Variants in AATF observed in about 807,000 individuals in gnomAD.
AATF encodes the protein protein AATF.
AATF carries 48 observed loss-of-function variants against 63.7 expected under a neutral mutation model. That is an observed-to-expected ratio of 0.75 (90% CI 0.60 to 0.96). The LOEUF (loss-of-function observed/expected upper bound fraction) is 0.96, where lower values mean the gene tolerates loss of function less well. Among genes scored for constraint, AATF ranks in the 40% least tolerant of loss-of-function variants. AATF has a pLI of 0.00. For missense variants in AATF, 639 were observed against 685.7 expected, an observed-to-expected ratio of 0.93 and a Z score of 0.76; for synonymous variants, 258 against 247.7, an observed-to-expected ratio of 1.04 and a Z score of -0.39.
At chr17:36,981,611 T>TTTC (rs200880478) in intron 4 of AATF, among the ~76,000 whole-genome samples, 8 of 151,566 alleles carry the variant, frequency 5.3e-5, no homozygotes, top group South Asian at 2.1e-4. Flanking sequence ...GCCTGGCTGA[T>TTTC]TTCTTCTTCT....
At chr17:36,973,410 A>G (rs947225982) in intron 4 of AATF, among the ~76,000 whole-genome samples, 2 of 152,188 alleles carry the variant, frequency 1.3e-5, no homozygotes, top group East Asian at 1.9e-4. Context: ...CCCACTCACT[A>G]TGCATATGGT....
intron 8 of AATF, among the ~76,000 whole-genome samples, chr17:36,995,498 A>G (rs529159516): frequency 6.6e-6 from 1 of 152,324 alleles, no homozygotes; most frequent in South Asian, 2.1e-4. Flanking sequence ...AGGTGTCCCA[A>G]GCTACCCTTA....
intron 4 of AATF, among the ~76,000 whole-genome samples, chr17:36,976,349 T>C (rs1305880373): frequency 6.6e-6 from 1 of 152,182 alleles, no homozygotes. Context: ...AATGAATTAG[T>C]ACATATAAAG....
chr17:36,954,287 G>A (rs2070882193), intron 4 of AATF, among the ~76,000 whole-genome samples: 1 of 151,880 alleles, frequency 6.6e-6, no homozygotes, highest in African/African-American at 2.4e-5. Flanking sequence ...TCACTGTGTT[G>A]TCCAGGCTGG....
chr17:36,992,121 T>C (rs552149393), intron 8 of AATF, among the ~76,000 whole-genome samples: 1 of 152,336 alleles, frequency 6.6e-6, no homozygotes, highest in East Asian at 1.9e-4. Context: ...GAAGAAGAAC[T>C]TCTTAGGAAA....
At chr17:37,053,132 T>C (rs1235969048) in intron 11 of AATF, among the ~76,000 whole-genome samples, 1 of 152,150 alleles carries the variant, frequency 6.6e-6, no homozygotes, top group African/African-American at 2.4e-5. Flanking sequence ...GGAGTAGAAT[T>C]GATGCTGAAC....
At chr17:36,997,265 G>A (rs1051211183) in intron 8 of AATF, among the ~76,000 whole-genome samples, 3 of 152,158 alleles carry the variant, frequency 2.0e-5, no homozygotes, top group African/African-American at 7.2e-5. Flanking sequence ...ATTTAGCAAA[G>A]AAAGGGGAAG....
intron 11 of AATF, among the ~76,000 whole-genome samples, chr17:37,036,374 G>A (rs557362243): frequency 1.3e-5 from 2 of 152,154 alleles, no homozygotes; most frequent in South Asian, 4.1e-4. Flanking sequence ...GACTTAAATT[G>A]AAACTGGAAC....
chr17:36,952,764 A>C (rs1348081155), intron 2 of AATF, 122 bp from the exon 3 acceptor site: 1 of 1,457,850 alleles, frequency 6.9e-7, no homozygotes, highest in Non-Finnish European at 9.0e-7. Context: ...ATATTGTTGA[A>C]TTGAGTGCAG....
chr17:36,953,224 G>A lies in AATF; in HGVS notation c.622G>A (p.Val208Met). 6.2e-7 allele frequency: 1 copy of A among 1,614,240 alleles called. No individual in the cohort carries two copies. Among genetic ancestry groups the A allele is most frequent in the Non-Finnish European group, 8.5e-7 (1 of 1,180,050 alleles). Reference sequence around the variant, plus strand: ...AGATAGAAACAGTGAGGATGATGGTGTGGTGATGACCTTCTCTAGTGTCAA... The same window carrying A: ...AGATAGAAACAGTGAGGATGATGGTATGGTGATGACCTTCTCTAGTGTCAA... ...AGDRNSEDDGVVMTFSSVKVS... is the reference protein window; with the variant it reads ...AGDRNSEDDGMVMTFSSVKVS... Residue 208 changes from valine to methionine, a missense_variant, in exon 3 of 12, where the codon GTG becomes ATG. Coordinates refer to ENST00000619387, the MANE Select transcript of AATF (RefSeq NM_012138.4).
In AATF at chr17:36,995,631, G is replaced by A. The variant is rs1332091661; in HGVS notation, c.1398+4774G>A. Reference sequence around the variant, plus strand: ...TGCCCAGGCTGGAGTGCAGTGGTGCGATCTCAGCTCACTGTGACCTCGACC... The same window carrying A: ...TGCCCAGGCTGGAGTGCAGTGGTGCAATCTCAGCTCACTGTGACCTCGACC... On this transcript the variant is annotated intron_variant, in intron 8 of 11. Coordinates refer to ENST00000619387, the MANE Select transcript of AATF (RefSeq NM_012138.4). 4.6e-5 allele frequency among the ~76,000 whole-genome samples: 7 copies of A among 152,140 alleles called. No individual in the cohort carries two copies. In the South Asian group the frequency reaches 1.2e-3, roughly 27 times the overall value.
chr17:36,968,487 G>C (rs986396900), intron 4 of AATF, among the ~76,000 whole-genome samples: 23 of 151,198 alleles, frequency 1.5e-4, no homozygotes, highest in African/African-American at 5.3e-4. Flanking sequence ...TGTTGGCCAG[G>C]CTTGTCTTAA....
chr17:36,974,397 T>G (rs991196217), intron 4 of AATF, among the ~76,000 whole-genome samples: 4 of 152,210 alleles, frequency 2.6e-5, no homozygotes, highest in African/African-American at 9.6e-5. Flanking sequence ...GTTGGACATT[T>G]GGATTGTTTC....
At chr17:36,983,995 T>TAG (rs2071147786) in intron 4 of AATF, among the ~76,000 whole-genome samples, 2 of 152,324 alleles carry the variant, frequency 1.3e-5, no homozygotes, top group East Asian at 3.9e-4. Flanking sequence ...ATGGAGAACT[T>TAG]GTCTAACTCA....
At chr17:37,022,183 G>C (rs2071478117) in intron 10 of AATF, among the ~76,000 whole-genome samples, 2 of 151,810 alleles carry the variant, frequency 1.3e-5, no homozygotes, top group African/African-American at 4.9e-5. Context: ...CAAAGCCTCA[G>C]TGTCAAACTA....
chr17:36,957,838 C>T (rs755258869), intron 4 of AATF, among the ~76,000 whole-genome samples: 8 of 152,202 alleles, frequency 5.3e-5, no homozygotes, highest in Non-Finnish European at 1.2e-4. Context: ...TCTAAAATAA[C>T]AGACTTCCAG....
At chr17:37,037,654 A>G (rs1441384530) in intron 11 of AATF, among the ~76,000 whole-genome samples, 2 of 152,214 alleles carry the variant, frequency 1.3e-5, no homozygotes, top group African/African-American at 2.4e-5. Context: ...CCCCCCATAA[A>G]TAAGTACACA....
intron 8 of AATF, among the ~76,000 whole-genome samples, chr17:37,012,905 GA>G (rs2071402588): frequency 6.6e-6 from 1 of 152,112 alleles, no homozygotes; most frequent in South Asian, 2.1e-4. Flanking sequence ...CCTTTTAGAA[GA>G]AAACATAGGA....
chr17:37,029,143 C>T (rs1177961362), intron 10 of AATF, among the ~76,000 whole-genome samples: 2 of 152,162 alleles, frequency 1.3e-5, no homozygotes, highest in African/African-American at 2.4e-5. Flanking sequence ...ACTGCAGTCT[C>T]AACCTCCTAG....
Sources: gnomAD v4.1 joint callset for allele counts (sites outside exome capture counted in the v4.1 genomes callset) on GRCh38, gnomAD v4.1.1 for gene constraint, MANE v1.5 for transcripts, NCBI Gene and HGNC (gene_info 2026-07-23, HGNC 2026-07-21) for gene names.